UTP11: variants seen among roughly 807,000 people sequenced by gnomAD.
UTP11 encodes the protein probable U3 small nucleolar RNA-associated protein 11.
A neutral mutation model predicts 39.0 loss-of-function variants in UTP11; 29 were observed. The ratio of observed to expected loss-of-function variants is 0.74; its 90% CI spans 0.55 to 1.01. UTP11 has a LOEUF of 1.01. Ranked by LOEUF, UTP11 falls within the 50% of genes least tolerant of loss-of-function variation. The probability of loss-of-function intolerance (pLI) is 0.00; values close to 1 mark genes in which losing one functional copy is unlikely to be tolerated. For missense variants in UTP11, 281 were observed against 306.0 expected (o/e 0.92, Z 0.61); for synonymous variants, 111 against 105.0 (o/e 1.06, Z -0.35).
Position 38,023,629 on chromosome 1 carries a change from C to T in UTP11, c.*1C>T, listed in dbSNP as rs746177102. ...ATTTCAGAGTCGTCGAAAACGTTGA[C>T]GTGTTATAGATAAGCCTTGTCATTC... is the stretch of plus-strand genomic sequence containing the variant. On this transcript the variant is annotated 3_prime_UTR_variant, in exon 8 of 8. Transcript: ENST00000373014. 1.4e-5 allele frequency: 23 copies of T among 1,608,512 alleles called. No individual in the cohort carries two copies. The highest frequency in any genetic ancestry group is 5.3e-5 in the African/African-American group (4 of 74,840).
At chr1:38,012,926 A>G (rs1646686260) in intron 1 of UTP11, 61 bp downstream of exon 1, 35 of 1,605,322 alleles carry the variant, frequency 2.2e-5, no homozygotes, top group Admixed American at 3.3e-5. Context: ...CCTTGCCCCA[A>G]CCCTGTCGCC....
intron 6 of UTP11, among the ~76,000 whole-genome samples, chr1:38,020,498 A>T (rs1270169246): frequency 1.3e-5 from 2 of 152,178 alleles, no homozygotes. Flanking sequence ...TGCAGAAGAC[A>T]TGCTTTTCCT....
chr1:38,012,998 G>C, intron 1 of UTP11, 133 bp downstream of exon 1: 1 of 1,094,954 alleles, frequency 9.1e-7, no homozygotes, highest in Non-Finnish European at 1.3e-6. Context: ...TGTTAATGAC[G>C]CTGGCGTGGC....
intron 6 of UTP11, among the ~76,000 whole-genome samples, chr1:38,021,062 C>T (rs929180157): frequency 6.6e-6 from 1 of 152,060 alleles, no homozygotes; most frequent in Non-Finnish European, 1.5e-5. Context: ...GCTGGGATTA[C>T]AGGTGCCCGC....
chr1:38,017,852 C>T (rs1027625766), intron 3 of UTP11, 82 bp downstream of exon 3: 6 of 1,264,858 alleles, frequency 4.7e-6, no homozygotes, highest in South Asian at 1.4e-5. Flanking sequence ...GAGGAAGAAT[C>T]GTTGGCCTTA....
chr1:38,022,027 T>C (rs1646740477), intron 6 of UTP11, among the ~76,000 whole-genome samples: 1 of 152,218 alleles, frequency 6.6e-6, no homozygotes, highest in Admixed American at 6.5e-5. Context: ...GAGCTTCTGC[T>C]GAAAAAATTC....
At position 38,012,779 on chromosome 1, in the gene UTP11, G is replaced by T; in HGVS notation, c.-24G>T. 1 of 1,614,158 alleles carries T rather than the reference G, an allele frequency of 6.2e-7. No homozygotes were observed. Among genetic ancestry groups the T allele is most frequent in the Non-Finnish European group, 8.5e-7 (1 of 1,180,006 alleles). ...CAGTGCGGATCCGGCGTTCTCCACT[G>T]ATCTTTTCCAAGGCTGTACAGACAT... On this transcript the variant is annotated 5_prime_UTR_variant, in exon 1 of 8. Coordinates refer to ENST00000373014, the MANE Select transcript of UTP11 (RefSeq NM_016037.4).
intron 1 of UTP11, among the ~76,000 whole-genome samples, 186 bp from the exon 2 acceptor site, chr1:38,016,173 A>G (rs1459117866): frequency 1.3e-5 from 2 of 152,252 alleles, no homozygotes; most frequent in East Asian, 1.9e-4. Context: ...TGGTGCTGGC[A>G]GGGTCCCTCT....
chr1:38,017,851 T>C lies in UTP11; in HGVS notation c.228+81T>C, dbSNP rs1646715237. 6 of 1,270,188 alleles carry C rather than the reference T, an allele frequency of 4.7e-6. No individual in the cohort carries two copies. In the South Asian group the frequency reaches 6.8e-5, roughly 14 times the overall value. 78.7% of individuals were successfully genotyped at this position (1,270,188 alleles called of 1,614,324 possible). A position where few individuals can be genotyped will look rare whatever the true frequency, so the allele number is the denominator to read the frequency against. ...ACAGGGAGGAGATGGAGAGGAAGAA[T>C]CGTTGGCCTTAATTTAACCCTTCTC... On this transcript the variant is annotated intron_variant, in intron 3 of 7. Transcript: ENST00000373014.
At chr1:38,016,032 A>G (rs1441548124) in intron 1 of UTP11, among the ~76,000 whole-genome samples, 1 of 152,234 alleles carries the variant, frequency 6.6e-6, no homozygotes, top group Admixed American at 6.5e-5. Context: ...GTAGTATTTT[A>G]TAAACCCTTG....
chr1:38,022,662 T>G (rs750741346), intron 6 of UTP11, 37 bp from the exon 7 acceptor site: 25 of 1,450,682 alleles, frequency 1.7e-5, no homozygotes, highest in Non-Finnish European at 2.4e-5. Flanking sequence ...TTTGTCCTGT[T>G]CATTGTTCAC....
Position 38,018,587 on chromosome 1 carries a change from T to C in UTP11, c.342+10T>C. ...GGTTGCAGAAGCTAAGGTAATTCAC[T>C]CTTTGTTCTGATTGGTTTTATTGGT... On this transcript the variant is annotated intron_variant, in intron 4 of 7. Coordinates refer to ENST00000373014, the MANE Select transcript of UTP11 (RefSeq NM_016037.4). 6.3e-7 allele frequency: 1 copy of C among 1,587,634 alleles called. No homozygotes were observed. The highest frequency in any genetic ancestry group is 8.6e-7 in the Non-Finnish European group (1 of 1,163,520).
Position 38,023,648 on chromosome 1 carries a change from G to A in UTP11, c.*20G>A. 6.3e-7 allele frequency: 1 copy of A among 1,587,252 alleles called. No individual in the cohort carries two copies. Among genetic ancestry groups the A allele is most frequent in the Non-Finnish European group, 8.6e-7 (1 of 1,168,488 alleles). Reference sequence around the variant, plus strand: ...CGTTGACGTGTTATAGATAAGCCTTGTCATTCTGTATCAAAAATCTGTTGT... The same window carrying A: ...CGTTGACGTGTTATAGATAAGCCTTATCATTCTGTATCAAAAATCTGTTGT... On this transcript the variant is annotated 3_prime_UTR_variant, in exon 8 of 8. Transcript: ENST00000373014.
At chr1:38,023,397 C>T in intron 7 of UTP11, 148 bp from the exon 8 acceptor site, 2 of 589,488 alleles carry the variant, frequency 3.4e-6, no homozygotes, top group South Asian at 2.7e-5. Flanking sequence ...TAATTCATTG[C>T]CTACAGTGGA....
chr1:38,022,746 G>C lies in UTP11; in HGVS notation c.615G>C (p.Arg205=), dbSNP rs1188175785. 2 of 1,614,046 alleles carry C rather than the reference G, an allele frequency of 1.2e-6. No homozygotes were observed. Among genetic ancestry groups the C allele is most frequent in the Non-Finnish European group, 1.7e-6 (2 of 1,179,948 alleles). ...AGCAGTATAACTGCCTGACACAGCG[G>C]ATTGAACGAGAGAAGAAATTGTTCG... ...RQKQYNCLTQ[R]IEREKKLFVI... The change falls in exon 7 of 8, where the codon CGG becomes CGC. Residue 205 remains arginine, a synonymous_variant. Transcript: ENST00000373014.
At position 38,012,837 on chromosome 1, in the gene UTP11, G is replaced by A. The variant is rs757587343; in HGVS notation, c.35G>A (p.Arg12Gln). The A allele has an allele frequency of 5.6e-6, 9 of 1,614,064 alleles. No individual in the cohort carries two copies. Among genetic ancestry groups the A allele is most frequent in the African/African-American group, 1.3e-5 (1 of 74,926 alleles). Residue 12 changes from arginine to glutamine, a missense_variant, in exon 1 of 8, where the codon CGG becomes CAG. Coordinates refer to ENST00000373014, the MANE Select transcript of UTP11 (RefSeq NM_016037.4). ...AAAFRKAAKS[R>Q]QREHRERSQP... ...GCTTTTCGGAAGGCGGCTAAGTCCC[G>A]GCAGCGGGAACACAGAGAGCGAAGC...
intron 1 of UTP11, among the ~76,000 whole-genome samples, chr1:38,013,801 G>A (rs189222684): frequency 7.6e-4 from 115 of 152,028 alleles, no homozygotes; most frequent in Non-Finnish European, 1.3e-3. Context: ...TACAACCTCC[G>A]CCTCCCAGGT....
chr1:38,014,374 C>T (rs1226185118), intron 1 of UTP11, among the ~76,000 whole-genome samples: 1 of 152,160 alleles, frequency 6.6e-6, no homozygotes, highest in African/African-American at 2.4e-5. Context: ...TGGACTTTAT[C>T]CTGCAGATCC....
rs1427786540 is a variant in UTP11 at position 38,017,779 on chromosome 1, C to G, written c.228+9C>G. ...CTCGGGTTAAACTCCAGGTGGGTGC[C>G]CAATGGCTTGGTTGGTGTTTTGAGC... On this transcript the variant is annotated intron_variant, in intron 3 of 7. Coordinates refer to ENST00000373014, the MANE Select transcript of UTP11 (RefSeq NM_016037.4). The G allele has an allele frequency of 6.3e-6, 10 of 1,597,174 alleles. No individual in the cohort carries two copies. The highest frequency in any genetic ancestry group is 8.5e-6 in the Non-Finnish European group (10 of 1,173,386).
Sources: gnomAD v4.1 joint callset for allele counts (sites outside exome capture counted in the v4.1 genomes callset) on GRCh38, gnomAD v4.1.1 for gene constraint, MANE v1.5 for transcripts, NCBI Gene and HGNC (gene_info 2026-07-23, HGNC 2026-07-21) for gene names.